The following MCRIP2 variants were observed in gnomAD, a reference collection of about 807,000 sequenced individuals.
MCRIP2 encodes MAPK regulated corepressor interacting protein 2, also known as MAPK regulated co-repressor interacting protein 2.
MCRIP2 carries 21 observed loss-of-function variants against 23.2 expected under a neutral mutation model. The observed-to-expected ratio is 0.90, with a 90% CI of 0.64 to 1.30. The LOEUF (loss-of-function observed/expected upper bound fraction) is 1.30. Among genes scored for constraint, MCRIP2 ranks in the 50% most tolerant of loss-of-function variants. The pLI is 0.00. For missense variants in MCRIP2, 234 were observed against 223.2 expected (o/e 1.05, Z -0.31); for synonymous variants, 121 against 100.2 (o/e 1.21, Z -1.24).
At position 648,312 on chromosome 16, in the gene MCRIP2, T is replaced by G. The variant is rs901617688; in HGVS notation, c.*122T>G. The G allele has an allele frequency of 9.9e-7, 1 of 1,009,232 alleles. No individual in the cohort carries two copies. Among genetic ancestry groups the G allele is most frequent in the Non-Finnish European group, 1.5e-6 (1 of 673,490 alleles). The allele number at this position is 1,009,232 out of a possible 1,614,324, so 62.5% of individuals were successfully genotyped here. ...ACACCTGAAGTGCCAGCATTTGGACTTTTGCACCTTTTTTTCCCTTGGCCC... is the reference window on the plus strand; with the variant it reads ...ACACCTGAAGTGCCAGCATTTGGACGTTTGCACCTTTTTTTCCCTTGGCCC... On this transcript the variant is annotated 3_prime_UTR_variant, in exon 5 of 5. Transcript: ENST00000307650.
At chr16:647,056 C>T in intron 2 of MCRIP2, 1 of 290,070 alleles carries the variant, frequency 3.4e-6, no homozygotes, top group Non-Finnish European at 6.6e-6. Context: ...AGGTCAGAAT[C>T]TGGGCTGCTG....
Position 641,891 on chromosome 16 carries a change from G to T in MCRIP2, c.-101G>T. ...TTTAAGGGCCGGGGGCGTGTAGCGG[G>T]CCCGCCCCCTCCCCGCGGCGCCCGC... On this transcript the variant is annotated 5_prime_UTR_variant, in exon 1 of 5. Transcript: ENST00000307650. The T allele has an allele frequency of 9.2e-7, 1 of 1,084,056 alleles. No homozygotes were observed. 67.2% of individuals were successfully genotyped at this position (1,084,056 alleles called of 1,614,324 possible). A position where few individuals can be genotyped will look rare whatever the true frequency, so the allele number is the denominator to read the frequency against.
chr16:644,457 T>C (rs755349964), intron 2 of MCRIP2, among the ~76,000 whole-genome samples: 3 of 152,084 alleles, frequency 2.0e-5, no homozygotes, highest in African/African-American at 4.8e-5. Flanking sequence ...AATTTTTTTC[T>C]TTTTGAGACA....
Position 642,213 on chromosome 16 carries a change from C to A in MCRIP2, c.146C>A (p.Pro49His). ...PPTSQPPRAQ[P>H]FAQPPGPWPL... ...ACCTCGCAGCCCCCGCGGGCGCAGC[C>A]CTTTGCGCAGCCGCCGGGACCCTGG... Residue 49 changes from proline to histidine, a missense_variant, in exon 2 of 5, where the codon CCC becomes CAC. Transcript: ENST00000307650. 1 of 1,275,212 alleles carries A rather than the reference C, an allele frequency of 7.8e-7. No individual in the cohort carries two copies. The highest frequency in any genetic ancestry group is 9.9e-7 in the Non-Finnish European group (1 of 1,011,018). The allele number at this position is 1,275,212 out of a possible 1,614,324, so 79.0% of individuals were successfully genotyped here.
In MCRIP2 at chr16:648,195, T is replaced by A; in HGVS notation, c.*5T>A. 1 of 1,607,632 alleles carries A rather than the reference T, an allele frequency of 6.2e-7. No individual in the cohort carries two copies. The highest frequency in any genetic ancestry group is 8.5e-7 in the Non-Finnish European group (1 of 1,177,468). Reference sequence around the variant, plus strand: ...AGAATCACCAGCTGTTCCTAGTGGCTGCTGGGAGGGGGCGCTGCTACACGG... The same window carrying A: ...AGAATCACCAGCTGTTCCTAGTGGCAGCTGGGAGGGGGCGCTGCTACACGG... On this transcript the variant is annotated 3_prime_UTR_variant, in exon 5 of 5. Coordinates refer to ENST00000307650, the MANE Select transcript of MCRIP2 (RefSeq NM_138418.4).
chr16:642,157 G>C lies in MCRIP2; in HGVS notation c.90G>C (p.Glu30Asp), dbSNP rs928531639. The C allele has an allele frequency of 3.7e-6, 5 of 1,360,876 alleles. No individual in the cohort carries two copies. The highest frequency in any genetic ancestry group is 3.0e-5 in the Admixed American group (1 of 33,618). The allele number at this position is 1,360,876 out of a possible 1,614,324, so 84.3% of individuals were successfully genotyped here. The change falls in exon 2 of 5, where the codon GAG becomes GAC. Residue 30 changes from glutamate (E) to aspartate (D), a missense_variant. Transcript: ENST00000307650. ...AGCAGGTGGAGGGCCGGCTCGGCGA[G>C]CTCCTGAAATGCCGGCAGCCCGCGC... ...TQQQVEGRLG[E>D]LLKCRQPAPP...
intron 2 of MCRIP2, among the ~76,000 whole-genome samples, chr16:644,534 C>T (rs529534363): frequency 1.3e-5 from 2 of 152,210 alleles, no homozygotes; most frequent in South Asian, 4.1e-4. Context: ...GCCTCAACCT[C>T]CCAGGTTCAA....
chr16:647,467 CCA>C lies in MCRIP2; in HGVS notation c.235_236del (p.Thr79ValfsTer40). The stretch of plus-strand genomic sequence containing the variant: ...CGTGTGAATGGCCGGCGGGCCCCCT[CCA>C]CGTCCCCATCCTTCGAGGGGACCCA... On this transcript the variant is annotated frameshift_variant, in exon 3 of 5. Coordinates refer to ENST00000307650, the MANE Select transcript of MCRIP2 (RefSeq NM_138418.4). LOFTEE classifies it high-confidence loss of function. The C allele has an allele frequency of 6.2e-7, 1 of 1,613,394 alleles. No individual in the cohort carries two copies. The highest frequency in any genetic ancestry group is 8.5e-7 in the Non-Finnish European group (1 of 1,179,980).
intron 2 of MCRIP2, among the ~76,000 whole-genome samples, chr16:643,307 C>T (rs1027657543): frequency 6.6e-6 from 1 of 152,186 alleles, no homozygotes; most frequent in African/African-American, 2.4e-5. Flanking sequence ...GTAGCCACCA[C>T]CTGGTCCCCA....
In MCRIP2 at chr16:647,487, G is replaced by A; in HGVS notation, c.253G>A (p.Gly85Arg). 1 of 1,613,398 alleles carries A rather than the reference G, an allele frequency of 6.2e-7. No homozygotes were observed. Among genetic ancestry groups the A allele is most frequent in the South Asian group, 1.1e-5 (1 of 91,088 alleles). Residue 85 changes from glycine (G) to arginine (R), a missense_variant, in exon 3 of 5, where the codon GGG becomes AGG. Coordinates refer to ENST00000307650, the MANE Select transcript of MCRIP2 (RefSeq NM_138418.4). ...CCCCTCCACGTCCCCATCCTTCGAG[G>A]GGACCCAGGAGACCTACACAGTGGC... ...RAPSTSPSFE[G>R]TQETYTVAHE...
In MCRIP2 at chr16:648,330, C is replaced by T. The variant is rs887689427; in HGVS notation, c.*140C>T. 1 of 868,594 alleles carries T rather than the reference C, an allele frequency of 1.2e-6. No individual in the cohort carries two copies. The highest frequency in any genetic ancestry group is 1.6e-5 in the South Asian group (1 of 63,848). The allele number at this position is 868,594 out of a possible 1,614,324, so 53.8% of individuals were successfully genotyped here. A position where few individuals can be genotyped will look rare whatever the true frequency, so the allele number is the denominator to read the frequency against. Reference sequence around the variant, plus strand: ...TTTGGACTTTTGCACCTTTTTTTCCCTTGGCCCGGCTGTCCCAACCAAGCT... The same window carrying T: ...TTTGGACTTTTGCACCTTTTTTTCCTTTGGCCCGGCTGTCCCAACCAAGCT... On this transcript the variant is annotated 3_prime_UTR_variant, in exon 5 of 5. Transcript: ENST00000307650.
chr16:647,491 C>T lies in MCRIP2; in HGVS notation c.257C>T (p.Thr86Ile). The T allele has an allele frequency of 6.2e-7, 1 of 1,613,108 alleles. No individual in the cohort carries two copies. The highest frequency in any genetic ancestry group is 8.5e-7 in the Non-Finnish European group (1 of 1,179,858). ...APSTSPSFEG[T>I]QETYTVAHEE... ...TCCACGTCCCCATCCTTCGAGGGGA[C>T]CCAGGAGACCTACACAGTGGCCCAC... Residue 86 changes from threonine to isoleucine, a missense_variant, in exon 3 of 5, where the codon ACC becomes ATC. Thr to Ile is a moderately conservative substitution (Grantham distance 89, BLOSUM62 -1). Coordinates refer to ENST00000307650, the MANE Select transcript of MCRIP2 (RefSeq NM_138418.4).
At chr16:647,587 G>C in intron 3 of MCRIP2, 43 bp downstream of exon 3, 1 of 1,604,094 alleles carries the variant, frequency 6.2e-7, no homozygotes, top group Non-Finnish European at 8.5e-7. Context: ...CTGCTGGGTC[G>C]CAAAACCATG....
chr16:647,172 T>G, intron 2 of MCRIP2: 1 of 580,942 alleles, frequency 1.7e-6, no homozygotes, highest in Non-Finnish European at 3.1e-6. Context: ...GCCCCCACCC[T>G]ACAGTCACTC....
At chr16:642,285 G>A in intron 2 of MCRIP2, 36 bp downstream of exon 2, 1 of 1,151,748 alleles carries the variant, frequency 8.7e-7, no homozygotes, top group Non-Finnish European at 1.1e-6. Flanking sequence ...GCCCGGCCCG[G>A]CTTCCCCTCC....
rs183962956 is a variant in MCRIP2, at chr16:644,175, G to A, written c.182+1926G>A. Among the ~76,000 whole-genome samples the A allele has an allele frequency of 2.9e-3, 441 of 152,180 alleles. 3 individuals carry two copies. Among genetic ancestry groups the A allele is most frequent in the African/African-American group, 9.9e-3 (412 of 41,528 alleles). The stretch of plus-strand genomic sequence containing the variant: ...CCGCTCACCGCAACCTCTGCCTCCT[G>A]GGTTCAAGCGATCCTCCTGCCTCAG... On this transcript the variant is annotated intron_variant, in intron 2 of 4. Coordinates refer to ENST00000307650, the MANE Select transcript of MCRIP2 (RefSeq NM_138418.4).
Position 641,988 on chromosome 16 carries a change from C to G in MCRIP2, c.-4C>G. 7.6e-7 allele frequency: 1 copy of G among 1,319,390 alleles called. No individual in the cohort carries two copies. Among genetic ancestry groups the G allele is most frequent in the Non-Finnish European group, 9.7e-7 (1 of 1,035,944 alleles). 81.7% of individuals were successfully genotyped at this position (1,319,390 alleles called of 1,614,324 possible). A position where few individuals can be genotyped will look rare whatever the true frequency, so the allele number is the denominator to read the frequency against. On this transcript the variant is annotated 5_prime_UTR_variant, in exon 1 of 5. Transcript: ENST00000307650. ...GGCCGGCGGCGGTGTGGGAGCGGCGCGTCATGTACACCATCACCAAGGGGC... is the reference window on the plus strand; with the variant it reads ...GGCCGGCGGCGGTGTGGGAGCGGCGGGTCATGTACACCATCACCAAGGGGC...
chr16:643,694 G>A (rs2037407522), intron 2 of MCRIP2, among the ~76,000 whole-genome samples: 1 of 151,658 alleles, frequency 6.6e-6, no homozygotes, highest in Admixed American at 6.6e-5. Flanking sequence ...ACAGGTGCGT[G>A]CCACCATGCC....
chr16:643,428 G>A (rs2037400336), intron 2 of MCRIP2, among the ~76,000 whole-genome samples: 1 of 152,100 alleles, frequency 6.6e-6, no homozygotes, highest in Admixed American at 6.5e-5. Context: ...GCAGGGGTAA[G>A]GCTGTGGCAC....
Sources: allele counts gnomAD v4.1 joint callset (sites outside exome capture counted in the v4.1 genomes callset), GRCh38; gene constraint gnomAD v4.1.1; transcripts MANE v1.5; gene names NCBI Gene and HGNC (gene_info 2026-07-23, HGNC 2026-07-21).